RNF150: variants seen among roughly 807,000 people sequenced by gnomAD.
The protein encoded by RNF150 is ring finger protein 150.
In RNF150, 24 loss-of-function variants were observed where a neutral mutation model predicts 39.3. The observed-to-expected ratio is 0.61, with a 90% CI of 0.44 to 0.86. RNF150 has a LOEUF of 0.86. Ranked by LOEUF, RNF150 falls within the 40% of genes least tolerant of loss-of-function variation. The pLI, the probability that RNF150 is intolerant of heterozygous loss-of-function variation, is 0.00. For synonymous variants in RNF150, 255 were observed against 227.3 expected (o/e 1.12, Z -1.10); for missense variants, 502 against 587.8 (o/e 0.85, Z 1.51).
intron 1 of RNF150, among the ~76,000 whole-genome samples, chr4:140,982,327 G>A (rs1044643662): frequency 2.0e-5 from 3 of 152,092 alleles, no homozygotes; most frequent in East Asian, 1.9e-4. Flanking sequence ...ATGCGCAAAT[G>A]TATCTGTAGT....
At chr4:140,918,827 C>T (rs946285238) in intron 5 of RNF150, among the ~76,000 whole-genome samples, 1 of 152,122 alleles carries the variant, frequency 6.6e-6, no homozygotes, top group African/African-American at 2.4e-5. Flanking sequence ...CATCAAAAAG[C>T]TTATCCACCA....
At chr4:141,107,930 A>G (rs575775311) in intron 1 of RNF150, among the ~76,000 whole-genome samples, 1 of 152,174 alleles carries the variant, frequency 6.6e-6, no homozygotes, top group African/African-American at 2.4e-5. Flanking sequence ...CTATTCTTTC[A>G]TATCTTTTGG....
rs188798718 is a variant in RNF150 at position 140,884,740 on chromosome 4, C to T, written c.1199-16361G>A. On this transcript the variant is annotated intron_variant, in intron 6 of 6. Transcript: ENST00000515673. The stretch of plus-strand genomic sequence containing the variant: ...CTTGTTCCTGTCTGTGCTTAGATTT[C>T]GGGAAGACAGAAGCCAGTCCCTTAG... Among the ~76,000 whole-genome samples the T allele has an allele frequency of 1.2e-4, 18 of 152,190 alleles. No homozygotes were observed. The East Asian group carries it at 2.3e-3, about 20-fold the overall frequency.
At chr4:140,903,869 T>C (rs1195949255) in intron 6 of RNF150, among the ~76,000 whole-genome samples, 2 of 152,188 alleles carry the variant, frequency 1.3e-5, no homozygotes, top group African/African-American at 4.8e-5. Context: ...GTGGTCTAAA[T>C]TGATTGATTC....
At chr4:141,185,370 C>T (rs534865999) in intron 1 of RNF150, among the ~76,000 whole-genome samples, 1 of 152,264 alleles carries the variant, frequency 6.6e-6, no homozygotes, top group South Asian at 2.1e-4. Context: ...GATTTTTGCA[C>T]ATTGATTTTG....
rs532891949 is a variant in RNF150 at position 140,898,287 on chromosome 4, T to A, written c.1198+12857A>T. Among the ~76,000 whole-genome samples, 88 of 151,852 alleles carry A rather than the reference T, an allele frequency of 5.8e-4. 1 individual carries two copies. Among genetic ancestry groups the A allele is most frequent in the Admixed American group, 2.5e-3 (38 of 15,232 alleles). ...AAAAAAATGATGCACACATTTTTTT[T>A]TTTTGAGTTGTTCTTTCTCTTATGA... On this transcript the variant is annotated intron_variant, in intron 6 of 6. Transcript: ENST00000515673.
At chr4:141,073,182 T>C (rs1737769664) in intron 1 of RNF150, among the ~76,000 whole-genome samples, 1 of 152,106 alleles carries the variant, frequency 6.6e-6, no homozygotes. Flanking sequence ...GAAATAGGCT[T>C]GGATGAAGGG....
intron 6 of RNF150, among the ~76,000 whole-genome samples, chr4:140,889,775 C>T (rs557567223): frequency 1.1e-3 from 162 of 152,280 alleles, no homozygotes; most frequent in African/African-American, 3.6e-3. Flanking sequence ...TAACTCCTTA[C>T]TTGGCCTCAT....
At chr4:140,997,646 T>C (rs905637595) in intron 1 of RNF150, among the ~76,000 whole-genome samples, 9 of 112,348 alleles carry the variant, frequency 8.0e-5, no homozygotes, top group African/African-American at 2.5e-4. Flanking sequence ...ACTCGGAAGG[T>C]GGAGGTTGCA....
At chr4:140,973,324 T>C (rs1733534402) in intron 1 of RNF150, among the ~76,000 whole-genome samples, 1 of 152,202 alleles carries the variant, frequency 6.6e-6, no homozygotes, top group Non-Finnish European at 1.5e-5. Flanking sequence ...GTCTTGACAA[T>C]GTCACCATGT....
intron 4 of RNF150, among the ~76,000 whole-genome samples, chr4:140,941,311 C>T (rs555832889): frequency 2.8e-4 from 43 of 152,232 alleles, no homozygotes; most frequent in African/African-American, 9.9e-4. Context: ...GTGCAAAATC[C>T]GAATGAGACA....
At chr4:141,100,357 T>C (rs1376597873) in intron 1 of RNF150, among the ~76,000 whole-genome samples, 2 of 152,184 alleles carry the variant, frequency 1.3e-5, no homozygotes, top group Non-Finnish European at 2.9e-5. Flanking sequence ...CAACTGGAGA[T>C]GAAATTCTGG....
Position 141,132,487 on chromosome 4 carries a change from A to T in RNF150, c.322T>A (p.Phe108Ile). The change falls in exon 1 of 7, where the codon TTC (phenylalanine) becomes ATC (isoleucine). Residue 108 changes from phenylalanine (F) to isoleucine (I), a missense_variant. By Grantham distance (21) the Phe-to-Ile change is conservative. Transcript: ENST00000515673. The surrounding 1 kb of genome is among the most constrained non-coding windows in gnomAD (Gnocchi z 4.9). Reference protein sequence around the residue: ...DRLACDPNTKFAAPTRGKNWI... With the variant: ...DRLACDPNTKIAAPTRGKNWI... ...TTCTTGCCGCGGGTCGGGGCGGCGA[A>T]CTTGGTGTTGGGGTCGCAGGCCAGG... is the stretch of plus-strand genomic sequence containing the variant. 2 of 1,607,660 alleles carry T rather than the reference A, an allele frequency of 1.2e-6. No homozygotes were observed. The highest frequency in any genetic ancestry group is 1.7e-6 in the Non-Finnish European group (2 of 1,177,888).
At chr4:141,078,495 G>T (rs977712724) in intron 1 of RNF150, among the ~76,000 whole-genome samples, 1 of 151,722 alleles carries the variant, frequency 6.6e-6, no homozygotes, top group African/African-American at 2.4e-5. Flanking sequence ...AAAAAGAGTT[G>T]AAGATTAAAG....
chr4:141,129,035 G>A (rs1363942226), intron 1 of RNF150, among the ~76,000 whole-genome samples: 5 of 152,138 alleles, frequency 3.3e-5, no homozygotes, highest in African/African-American at 1.2e-4. Context: ...GCAAAATGAT[G>A]CAGTTGTTTT....
At chr4:141,000,004 AGAAGAAGAAG>A (rs1560678893) in intron 1 of RNF150, among the ~76,000 whole-genome samples, 3 of 33,942 alleles carry the variant, frequency 8.8e-5, no homozygotes, top group African/African-American at 2.8e-4. Context: ...AAGAAGAAGA[AGAAGAAGAAG>A]AAGAAGAAGA....
At chr4:140,920,217 C>G (rs1331357211) in intron 5 of RNF150, among the ~76,000 whole-genome samples, 8 of 148,968 alleles carry the variant, frequency 5.4e-5, no homozygotes, top group Non-Finnish European at 1.0e-4. Flanking sequence ...AGCTTCTGCA[C>G]AGTGAAAGAA....
intron 2 of RNF150, among the ~76,000 whole-genome samples, chr4:140,949,682 CCA>C (rs1491111606): frequency 0.014 from 1,480 of 106,362 alleles, 23 homozygotes; most frequent in African/African-American, 0.043. Context: ...CTACCCCCCC[CCA>C]AAAAAAAATG....
Position 141,132,292 on chromosome 4 carries a change from G to C in RNF150, c.484+33C>G, listed in dbSNP as rs1726914712. On this transcript the variant is annotated intron_variant, in intron 1 of 6. Transcript: ENST00000515673. This position sits in a 1 kb window ranked among gnomAD's most constrained non-coding sequence, Gnocchi z 4.9. ...CCTCTAGGCACCTCCGTCCCCGCCG[G>C]CTCCCCTCCCCCGCGCCCGCTGGGC... The C allele has an allele frequency of 6.4e-7, 1 of 1,554,312 alleles. No homozygotes were observed. Among genetic ancestry groups the C allele is most frequent in the Admixed American group, 2.0e-5 (1 of 51,188 alleles).
Sources: gnomAD v4.1 joint callset for allele counts (sites outside exome capture counted in the v4.1 genomes callset) on GRCh38, gnomAD v4.1.1 for gene constraint, Gnocchi (gnomAD v3.1) non-coding constraint, MANE v1.5 for transcripts, NCBI Gene and HGNC (gene_info 2026-07-23, HGNC 2026-07-21) for gene names.